Variants in RAVER2 observed in about 807,000 individuals in gnomAD.
RAVER2 encodes the protein ribonucleoprotein, PTB binding 2, also known as ribonucleoprotein PTB-binding 2.
A neutral mutation model predicts 78.1 loss-of-function variants in RAVER2; 46 were observed. The ratio of observed to expected loss-of-function variants is 0.59; its 90% CI spans 0.46 to 0.75. The LOEUF (loss-of-function observed/expected upper bound fraction) is 0.75. Among genes scored for constraint, RAVER2 ranks in the 30% least tolerant of loss-of-function variants. RAVER2 has a pLI of 0.00. For missense variants in RAVER2, 793 were observed against 837.5 expected, an observed-to-expected ratio of 0.95 and a Z score of 0.66; for synonymous variants, 311 against 313.3, an observed-to-expected ratio of 0.99 and a Z score of 0.08.
intron 5 of RAVER2, among the ~76,000 whole-genome samples, chr1:64,802,144 C>G (rs966035643): frequency 6.6e-6 from 1 of 152,198 alleles, no homozygotes; most frequent in African/African-American, 2.4e-5. Context: ...GGCCAGAGAT[C>G]ACTCTTGTCA....
chr1:64,817,967 T>C (rs904301502), intron 11 of RAVER2, among the ~76,000 whole-genome samples: 2 of 152,088 alleles, frequency 1.3e-5, no homozygotes, highest in African/African-American at 4.8e-5. Context: ...GGATAAATAA[T>C]CTCTCCAAGT....
intron 11 of RAVER2, among the ~76,000 whole-genome samples, chr1:64,825,675 T>G (rs1653989814): frequency 6.6e-6 from 1 of 152,198 alleles, no homozygotes; most frequent in Non-Finnish European, 1.5e-5. Context: ...GTTCAATTAT[T>G]GACATGAGCT....
chr1:64,773,101 A>G (rs2100828492), intron 2 of RAVER2, among the ~76,000 whole-genome samples: 1 of 152,182 alleles, frequency 6.6e-6, no homozygotes, highest in African/African-American at 2.4e-5. Flanking sequence ...AATGAGGGAG[A>G]CAGAGTCTAG....
chr1:64,807,276 G>A, exon 9 of RAVER2: 1 of 1,614,130 alleles, frequency 6.2e-7, no homozygotes, highest in Non-Finnish European at 8.5e-7. Context: ...TTCCAAATCA[G>A]CACATTGCTG....
In RAVER2 at chr1:64,825,840, A is replaced by G. The variant is rs557859859; in HGVS notation, c.1930-4999A>G. On this transcript the variant is annotated intron_variant, in intron 11 of 11. Transcript: ENST00000294428. ...AGATTTGCTTTAATAAAAGAAAATT[A>G]ACTTTTTAAAATCCAAGAATAAAAT... Among the ~76,000 whole-genome samples the G allele has an allele frequency of 4.6e-5, 7 of 152,378 alleles. 1 individual carries two copies. In the South Asian group the frequency reaches 1.4e-3, roughly 32 times the overall value.
At chr1:64,761,288 T>A (rs1351090866) in intron 1 of RAVER2, among the ~76,000 whole-genome samples, 2 of 152,128 alleles carry the variant, frequency 1.3e-5, no homozygotes, top group African/African-American at 4.8e-5. Context: ...TGATACCACA[T>A]CCACTCAGCC....
chr1:64,778,110 ATT>A lies in RAVER2; in HGVS notation c.786+19_786+20del, dbSNP rs761417669. The A allele has an allele frequency of 2.0e-6, 3 of 1,524,640 alleles. No individual in the cohort carries two copies. The African/African-American group carries it at 4.2e-5, about 21-fold the overall frequency. The allele number at this position is 1,524,640 out of a possible 1,614,324, so 94.4% of individuals were successfully genotyped here. A position where few individuals can be genotyped will look rare whatever the true frequency, so the allele number is the denominator to read the frequency against. On this transcript the variant is annotated intron_variant, in intron 3 of 11. Coordinates refer to ENST00000294428, the Ensembl canonical transcript of RAVER2. ...TTTGCCAGGTATGTATTTTTAAGAG[ATT>A]ATTGAAATATTTTAAAATATATACA...
chr1:64,820,626 G>T (rs1467527661), intron 11 of RAVER2, among the ~76,000 whole-genome samples: 1 of 152,098 alleles, frequency 6.6e-6, no homozygotes, highest in Admixed American at 6.5e-5. Flanking sequence ...ATAAGTTCTT[G>T]TCATTTAGCT....
chr1:64,776,111 A>AT (rs1300195740), intron 2 of RAVER2, among the ~76,000 whole-genome samples: 2 of 152,048 alleles, frequency 1.3e-5, no homozygotes, highest in Admixed American at 1.3e-4. Context: ...ATGACCTGAG[A>AT]TTTTATGGGC....
exon 7 of RAVER2, chr1:64,804,780 C>A: frequency 6.5e-7 from 1 of 1,549,134 alleles, no homozygotes; most frequent in South Asian, 1.1e-5. Flanking sequence ...CAGAATCTTT[C>A]TCATATACCA....
At chr1:64,832,546 A>C (rs1046190389) in exon 12 of RAVER2, 9 of 152,262 alleles carry the variant, frequency 5.9e-5, no homozygotes, top group African/African-American at 2.2e-4. Context: ...AGATCATTAA[A>C]TATCTCGTCA....
At chr1:64,826,995 C>A (rs1040267353) in intron 11 of RAVER2, among the ~76,000 whole-genome samples, 9 of 152,174 alleles carry the variant, frequency 5.9e-5, no homozygotes, top group South Asian at 4.2e-4. Context: ...GACATAAGAT[C>A]CCTAAGTGAA....
chr1:64,822,107 T>C (rs888455702), intron 11 of RAVER2, among the ~76,000 whole-genome samples: 8 of 152,106 alleles, frequency 5.3e-5, no homozygotes, highest in Non-Finnish European at 2.9e-5. Flanking sequence ...CTAACAACAG[T>C]GAGACCCCGT....
At chr1:64,777,521 A>T in intron 2 of RAVER2, 102 bp from the exon 3 acceptor site, 1 of 918,486 alleles carries the variant, frequency 1.1e-6, no homozygotes, top group Admixed American at 2.8e-5. Flanking sequence ...TTTCAGAAAA[A>T]AGGTGTATGT....
chr1:64,760,902 C>T (rs1054017991), intron 1 of RAVER2, among the ~76,000 whole-genome samples: 1 of 151,992 alleles, frequency 6.6e-6, no homozygotes, highest in African/African-American at 2.4e-5. Flanking sequence ...TAAGGTACAC[C>T]ACTGTATAGT....
intron 4 of RAVER2, among the ~76,000 whole-genome samples, chr1:64,785,429 GCA>G (rs1652751978): frequency 6.6e-6 from 1 of 150,408 alleles, no homozygotes; most frequent in Admixed American, 6.6e-5. Flanking sequence ...GAGTGCAGTG[GCA>G]CGATCTTGGC....
chr1:64,814,401 C>G (rs765658843), intron 10 of RAVER2, among the ~76,000 whole-genome samples: 1 of 152,080 alleles, frequency 6.6e-6, no homozygotes, highest in Non-Finnish European at 1.5e-5. Context: ...CCGTGCTCAG[C>G]CAGACATATA....
At chr1:64,813,639 TCC>T (rs1175323063) in intron 10 of RAVER2, among the ~76,000 whole-genome samples, 1 of 152,074 alleles carries the variant, frequency 6.6e-6, no homozygotes, top group Non-Finnish European at 1.5e-5. Flanking sequence ...TTAATATACA[TCC>T]TCTGTATTTT....
intron 10 of RAVER2, among the ~76,000 whole-genome samples, chr1:64,813,828 GACACACACACACACACACACACAC>G (rs10566575): frequency 1.3e-4 from 19 of 146,010 alleles, no homozygotes; most frequent in Admixed American, 4.1e-4. Context: ...TTAGAGACTA[GACACACACACACACACACACACAC>G]ACACACACAC....
Sources: gnomAD v4.1 joint callset for allele counts (sites outside exome capture counted in the v4.1 genomes callset) on GRCh38, gnomAD v4.1.1 for gene constraint, MANE v1.5 for transcripts, NCBI Gene and HGNC (gene_info 2026-07-23, HGNC 2026-07-21) for gene names.